The following NLGN1 variants were observed in gnomAD, a reference collection of about 807,000 sequenced individuals.
The protein encoded by NLGN1 is neuroligin 1, also known as neuroligin-1.
Under a neutral mutation model 65.5 loss-of-function variants are expected in NLGN1, and 12 were observed. The ratio of observed to expected loss-of-function variants is 0.18; its 90% CI spans 0.12 to 0.30. The LOEUF is 0.30. Among genes scored for constraint, NLGN1 ranks in the 10% least tolerant of loss-of-function variants. The pLI is 1.00. For missense variants in NLGN1, 750 were observed against 1,007.1 expected (o/e 0.74, Z 3.46); for synonymous variants, 350 against 359.5 (o/e 0.97, Z 0.30).
At chr3:173,436,281 C>T (rs1718122787) in intron 2 of NLGN1, among the ~76,000 whole-genome samples, 1 of 152,122 alleles carries the variant, frequency 6.6e-6, no homozygotes, top group African/African-American at 2.4e-5. Context: ...AATATATTTC[C>T]CAATATTAAA....
At chr3:173,669,886 A>T (rs901304290) in intron 3 of NLGN1, among the ~76,000 whole-genome samples, 1 of 152,218 alleles carries the variant, frequency 6.6e-6, no homozygotes, top group Non-Finnish European at 1.5e-5. Flanking sequence ...CTATGCATAC[A>T]TTGTTAGATA....
chr3:174,265,399 C>A (rs1234444343), intron 4 of NLGN1, among the ~76,000 whole-genome samples: 1 of 152,126 alleles, frequency 6.6e-6, no homozygotes, highest in Non-Finnish European at 1.5e-5. Context: ...GTTTTTTAAG[C>A]CGGTCCGAAA....
intron 4 of NLGN1, among the ~76,000 whole-genome samples, chr3:173,934,301 ATAT>A (rs1210919803): frequency 1.3e-5 from 2 of 149,074 alleles, no homozygotes; most frequent in South Asian, 2.1e-4. Flanking sequence ...TATTATACTA[ATAT>A]TATTTAATAA....
intron 2 of NLGN1, among the ~76,000 whole-genome samples, chr3:173,504,052 C>T (rs1026653248): frequency 1.3e-5 from 2 of 152,018 alleles, no homozygotes; most frequent in Admixed American, 1.3e-4. Context: ...ACATATGTGT[C>T]ATAAACTGCC....
chr3:173,788,206 CA>C (rs537790655), intron 3 of NLGN1, among the ~76,000 whole-genome samples: 3,257 of 60,806 alleles, frequency 0.054, 31 homozygotes, highest in African/African-American at 0.16. Flanking sequence ...TGACATTTTG[CA>C]AAAAAAAAAA....
At chr3:174,192,928 T>C (rs1034563711) in intron 4 of NLGN1, among the ~76,000 whole-genome samples, 10 of 152,042 alleles carry the variant, frequency 6.6e-5, no homozygotes, top group African/African-American at 2.2e-4. Flanking sequence ...GTGTGTTTTG[T>C]TTTGTTTTTT....
At chr3:173,845,342 T>G (rs542627195) in intron 4 of NLGN1, among the ~76,000 whole-genome samples, 1 of 152,246 alleles carries the variant, frequency 6.6e-6, no homozygotes, top group South Asian at 2.1e-4. Context: ...TTGTATGTAC[T>G]GGGAGACAGT....
chr3:174,242,126 G>A (rs1358275691), intron 4 of NLGN1, among the ~76,000 whole-genome samples: 1 of 152,150 alleles, frequency 6.6e-6, no homozygotes, highest in African/African-American at 2.4e-5. Context: ...CTACTTACCA[G>A]CAGTGTGATT....
intron 4 of NLGN1, among the ~76,000 whole-genome samples, chr3:173,917,397 T>A (rs1740957081): frequency 6.6e-6 from 1 of 152,190 alleles, no homozygotes; most frequent in Non-Finnish European, 1.5e-5. Context: ...AACATTAATA[T>A]GTATAAAATA....
intron 4 of NLGN1, among the ~76,000 whole-genome samples, chr3:174,000,931 CA>C (rs1369160875): frequency 1.3e-5 from 2 of 152,068 alleles, no homozygotes; most frequent in African/African-American, 4.8e-5. Flanking sequence ...CTCTGAATCC[CA>C]GGTTATCCCG....
intron 4 of NLGN1, among the ~76,000 whole-genome samples, chr3:174,184,961 G>T (rs1271597230): frequency 6.6e-6 from 1 of 152,034 alleles, no homozygotes; most frequent in Admixed American, 6.6e-5. Context: ...GAAAAAATAT[G>T]ACCACAGATC....
chr3:174,131,089 C>A (rs1278431408), intron 4 of NLGN1, among the ~76,000 whole-genome samples: 1 of 152,128 alleles, frequency 6.6e-6, no homozygotes, highest in Non-Finnish European at 1.5e-5. Flanking sequence ...CTCTAGTAAG[C>A]CAGGTTACCC....
intron 2 of NLGN1, among the ~76,000 whole-genome samples, chr3:173,456,357 G>A (rs1263728958): frequency 1.3e-5 from 2 of 152,092 alleles, no homozygotes; most frequent in Non-Finnish European, 2.9e-5. Flanking sequence ...AATATAGCAT[G>A]AGGGTTGAGA....
intron 4 of NLGN1, among the ~76,000 whole-genome samples, chr3:173,886,864 A>G (rs961616192): frequency 3.3e-5 from 5 of 152,026 alleles, no homozygotes; most frequent in African/African-American, 1.2e-4. Flanking sequence ...ATCACTCCAT[A>G]TCTTGATTTC....
At chr3:173,890,880 G>A (rs1347354331) in intron 4 of NLGN1, among the ~76,000 whole-genome samples, 2 of 152,034 alleles carry the variant, frequency 1.3e-5, no homozygotes, top group Non-Finnish European at 2.9e-5. Flanking sequence ...AAAAAGAATT[G>A]GTTGCACCTG....
intron 4 of NLGN1, among the ~76,000 whole-genome samples, chr3:173,872,319 A>G (rs1429192455): frequency 6.6e-6 from 1 of 152,218 alleles, no homozygotes; most frequent in Non-Finnish European, 1.5e-5. Context: ...GGCCTATGCT[A>G]GTGATTGAAC....
chr3:173,720,899 G>A (rs545038456), intron 3 of NLGN1, among the ~76,000 whole-genome samples: 13 of 152,126 alleles, frequency 8.5e-5, no homozygotes, highest in East Asian at 3.9e-4. Context: ...AGGTATCTAC[G>A]TAGAGCTATG....
At chr3:173,691,905 C>T (rs1321866222) in intron 3 of NLGN1, among the ~76,000 whole-genome samples, 5 of 151,892 alleles carry the variant, frequency 3.3e-5, no homozygotes, top group Non-Finnish European at 4.4e-5. Flanking sequence ...CATTAAATTC[C>T]CATCTGTGGA....
At chr3:173,756,641 A>G (rs1050373804) in intron 3 of NLGN1, among the ~76,000 whole-genome samples, 1 of 151,400 alleles carries the variant, frequency 6.6e-6, no homozygotes, top group African/African-American at 2.4e-5. Context: ...TTTCCCATTA[A>G]TAGGAAACAG....
Sources: allele counts gnomAD v4.1 joint callset (sites outside exome capture counted in the v4.1 genomes callset), GRCh38; gene constraint gnomAD v4.1.1; transcripts MANE v1.5; gene names NCBI Gene and HGNC (gene_info 2026-07-23, HGNC 2026-07-21).